Variants in APP observed in about 807,000 individuals in gnomAD.
The protein encoded by APP is amyloid-beta precursor protein.
Under a neutral mutation model 101.4 loss-of-function variants are expected in APP, and 31 were observed. The ratio of observed to expected loss-of-function variants is 0.31; its 90% CI spans 0.23 to 0.41. The LOEUF is 0.41. Ranked by LOEUF, APP falls within the 10% of genes least tolerant of loss-of-function variation. The pLI is 1.00. For synonymous variants in APP, 366 were observed against 364.4 expected (o/e 1.00, Z -0.05); for missense variants, 839 against 1,003.7 (o/e 0.84, Z 2.22).
intron 2 of APP, among the ~76,000 whole-genome samples, 195 bp from the exon 3 acceptor site, chr21:26,090,267 C>A (rs1291307705): frequency 6.6e-6 from 1 of 152,202 alleles, no homozygotes; most frequent in African/African-American, 2.4e-5. Flanking sequence ...GGTTGAGCAT[C>A]TGGAATCCGG....
intron 1 of APP, among the ~76,000 whole-genome samples, chr21:26,134,356 T>G (rs1398915063): frequency 6.6e-6 from 1 of 152,246 alleles, no homozygotes; most frequent in Non-Finnish European, 1.5e-5. Flanking sequence ...GGTTGTAGCC[T>G]GTGCTTCTGA....
At chr21:26,097,799 G>A (rs529878129) in intron 2 of APP, among the ~76,000 whole-genome samples, 1 of 152,254 alleles carries the variant, frequency 6.6e-6, no homozygotes, top group Non-Finnish European at 1.5e-5. Context: ...AGAGTGCATA[G>A]GCCGGGCGCG....
intron 2 of APP, among the ~76,000 whole-genome samples, chr21:26,101,787 C>T (rs1051705451): frequency 5.3e-5 from 8 of 152,204 alleles, no homozygotes; most frequent in African/African-American, 1.9e-4. Context: ...CCATAGCTTC[C>T]ACCTATCTCC....
intron 3 of APP, among the ~76,000 whole-genome samples, chr21:26,086,853 A>G (rs1239206158): frequency 6.6e-6 from 1 of 152,160 alleles, no homozygotes; most frequent in African/African-American, 2.4e-5. Context: ...GTATACTGTA[A>G]AAAACACTGG....
chr21:25,892,964 A>G (rs140038713), intron 16 of APP, among the ~76,000 whole-genome samples: 12 of 151,224 alleles, frequency 7.9e-5, no homozygotes, highest in African/African-American at 2.7e-4. Context: ...AAAAAAAACA[A>G]AAAGGTTTCT....
chr21:26,125,941 C>T (rs553033725), intron 1 of APP, among the ~76,000 whole-genome samples: 2 of 152,346 alleles, frequency 1.3e-5, no homozygotes, highest in African/African-American at 4.8e-5. Context: ...GCTTGAATTG[C>T]TAATGCATTC....
chr21:25,996,043 G>C (rs1601150755), intron 8 of APP, among the ~76,000 whole-genome samples: 2 of 151,620 alleles, frequency 1.3e-5, no homozygotes, highest in African/African-American at 4.8e-5. Flanking sequence ...AAGCATAAAT[G>C]GCATATATCA....
In APP at chr21:25,881,478, G is replaced by GA. The variant is rs1277622834; in HGVS notation, c.*191dup. On this transcript the variant is annotated 3_prime_UTR_variant, in exon 18 of 18. Coordinates refer to ENST00000346798, the MANE Select transcript of APP (RefSeq NM_000484.4). Reference sequence around the variant, plus strand: ...AGAGACCAAAATGTAAAGAGAGATAGAATACATTACTGATGTGTGGATTAA... The same window carrying GA: ...AGAGACCAAAATGTAAAGAGAGATAGAAATACATTACTGATGTGTGGATTAA... The GA allele has an allele frequency of 1.5e-6, 1 of 664,542 alleles. No individual in the cohort carries two copies. Among genetic ancestry groups the GA allele is most frequent in the East Asian group, 2.7e-5 (1 of 36,586 alleles). 41.2% of individuals were successfully genotyped at this position (664,542 alleles called of 1,614,324 possible). A position where few individuals can be genotyped will look rare whatever the true frequency, so the allele number is the denominator to read the frequency against.
intron 1 of APP, among the ~76,000 whole-genome samples, chr21:26,124,794 T>C (rs970967749): frequency 3.3e-5 from 5 of 152,248 alleles, no homozygotes; most frequent in Admixed American, 6.5e-5. Flanking sequence ...TCAAAGCTGT[T>C]TGAGTCCTAG....
chr21:25,895,321 A>C (rs966097492), intron 16 of APP, among the ~76,000 whole-genome samples: 2 of 151,986 alleles, frequency 1.3e-5, no homozygotes, highest in African/African-American at 4.8e-5. Flanking sequence ...ACATGCCACC[A>C]TATGCAGCTA....
intron 17 of APP, among the ~76,000 whole-genome samples, chr21:25,883,105 A>C (rs2037095005): frequency 6.6e-6 from 1 of 152,194 alleles, no homozygotes. Context: ...ATTCAGACTA[A>C]AAGATCTGTC....
intron 5 of APP, among the ~76,000 whole-genome samples, chr21:26,026,195 C>G (rs115150165): frequency 0.021 from 3,226 of 152,270 alleles, 104 homozygotes; most frequent in African/African-American, 0.074. Context: ...AAACGCTTGG[C>G]AACATAGTGG....
chr21:25,946,932 C>T (rs1029787884), intron 13 of APP, among the ~76,000 whole-genome samples: 2 of 152,052 alleles, frequency 1.3e-5, no homozygotes, highest in Non-Finnish European at 2.9e-5. Context: ...AATTTGTCTG[C>T]CAGAATGGTA....
At chr21:26,002,502 A>T (rs1343091252) in intron 6 of APP, among the ~76,000 whole-genome samples, 2 of 152,230 alleles carry the variant, frequency 1.3e-5, no homozygotes, top group African/African-American at 4.8e-5. Context: ...ACCAATGTGT[A>T]CATATTCATG....
intron 11 of APP, among the ~76,000 whole-genome samples, chr21:25,970,813 C>A (rs373189690): frequency 2.0e-5 from 3 of 152,116 alleles, no homozygotes; most frequent in Admixed American, 2.0e-4. Flanking sequence ...TAGTATCTTA[C>A]GTCTTGGAAG....
chr21:26,120,509 T>G (rs946768182), intron 1 of APP, among the ~76,000 whole-genome samples: 2 of 152,172 alleles, frequency 1.3e-5, no homozygotes, highest in African/African-American at 4.8e-5. Flanking sequence ...TGGCTTATGA[T>G]CTATACACTT....
chr21:26,057,077 T>C (rs2046071526), intron 3 of APP, among the ~76,000 whole-genome samples: 1 of 152,236 alleles, frequency 6.6e-6, no homozygotes, highest in Non-Finnish European at 1.5e-5. Flanking sequence ...ACATGGAAAC[T>C]GTACTTTCTA....
At chr21:26,112,624 G>A (rs1295893305) in intron 1 of APP, among the ~76,000 whole-genome samples, 2 of 152,190 alleles carry the variant, frequency 1.3e-5, no homozygotes, top group Admixed American at 1.3e-4. Flanking sequence ...AGCAAGTATG[G>A]CGTTGGTAGT....
chr21:25,969,078 G>A (rs537559780), intron 11 of APP, among the ~76,000 whole-genome samples: 10 of 151,854 alleles, frequency 6.6e-5, no homozygotes, highest in African/African-American at 2.4e-4. Context: ...ATTTAATTAC[G>A]CCTGCAATCT....
Sources: allele counts gnomAD v4.1 joint callset (sites outside exome capture counted in the v4.1 genomes callset), GRCh38; gene constraint gnomAD v4.1.1; transcripts MANE v1.5; gene names NCBI Gene and HGNC (gene_info 2026-07-23, HGNC 2026-07-21).